EBF3: variants seen among roughly 807,000 people sequenced by gnomAD.
EBF3 encodes transcription factor COE3.
A neutral mutation model predicts 77.1 loss-of-function variants in EBF3; 18 were observed. The observed-to-expected ratio is 0.23, with a 90% CI of 0.16 to 0.35. EBF3 has a LOEUF of 0.35. Among genes scored for constraint, EBF3 ranks in the 10% least tolerant of loss-of-function variants. EBF3 has a pLI of 1.00. For missense variants in EBF3, 558 were observed against 860.0 expected, an observed-to-expected ratio of 0.65 and a Z score of 4.39; for synonymous variants, 350 against 343.5, an observed-to-expected ratio of 1.02 and a Z score of -0.21.
rs566000776 is a variant in EBF3 at position 129,848,041 on chromosome 10, G to C, written c.1128+351C>G. 1.9e-4 allele frequency among the ~76,000 whole-genome samples: 29 copies of C among 152,342 alleles called. No individual in the cohort carries two copies. In the South Asian group the frequency reaches 3.9e-3, roughly 21 times the overall value. ...AGATGGAAATCAGAGCAGGCCACTGGAGTGGAAAATGTTTAATTGAACTAT... is the reference window on the plus strand; with the variant it reads ...AGATGGAAATCAGAGCAGGCCACTGCAGTGGAAAATGTTTAATTGAACTAT... On this transcript the variant is annotated intron_variant, in intron 11 of 16. Coordinates refer to ENST00000440978, the MANE Select transcript of EBF3 (RefSeq NM_001375380.1). This position sits in a 1 kb window ranked among gnomAD's most constrained non-coding sequence, Gnocchi z 4.4.
intron 6 of EBF3, among the ~76,000 whole-genome samples, chr10:129,883,171 T>C (rs1235245876): frequency 1.3e-5 from 2 of 152,192 alleles, no homozygotes; most frequent in Non-Finnish European, 2.9e-5. Flanking sequence ...TCTCCAGCGC[T>C]TGAAAACGTG....
intron 6 of EBF3, among the ~76,000 whole-genome samples, chr10:129,901,879 G>A (rs1174489949): frequency 6.6e-6 from 1 of 152,234 alleles, no homozygotes; most frequent in Non-Finnish European, 1.5e-5. Flanking sequence ...CCCAACTGCA[G>A]CTTCCCAACC....
In EBF3 at chr10:129,917,651, C is replaced by CAAAAAAAAAAAAAAAAAAAA. The variant is rs71481019; in HGVS notation, c.554+39587_554+39606dup. 2.0e-3 allele frequency among the ~76,000 whole-genome samples: 48 copies of CAAAAAAAAAAAAAAAAAAAA among 23,596 alleles called. 6 individuals are homozygous for CAAAAAAAAAAAAAAAAAAAA. The highest frequency in any genetic ancestry group is 3.0e-3 in the African/African-American group (16 of 5,334). The allele number at this position is 23,596 out of a possible 152,430, so 15.5% of individuals were successfully genotyped here. A position where few individuals can be genotyped will look rare whatever the true frequency, so the allele number is the denominator to read the frequency against. ...TGGGCACCACAGCAAGACCCTGCCT[C>CAAAAAAAAAAAAAAAAAAAA]AAAAAAAAAAAAAAAAAAAAAAAAA... On this transcript the variant is annotated intron_variant, in intron 6 of 16. Transcript: ENST00000440978.
rs145828208 is a variant in EBF3, at chr10:129,958,987, C to T, written c.432G>A (p.Gln144=). ...CACGGCACATCTCCGGGTTCTTGTC[C>T]TGGCCCTCGTAGACGATGGCCTGCG... ...MTKQAIVYEG[Q]DKNPEMCRVL... The change falls in exon 5 of 17, where the codon CAG becomes CAA. Residue 144 remains glutamine, a synonymous_variant. Coordinates refer to ENST00000440978, the MANE Select transcript of EBF3 (RefSeq NM_001375380.1). 297 of 1,600,400 alleles carry T rather than the reference C, an allele frequency of 1.9e-4. 2 individuals are homozygous for T. In the African/African-American group the frequency reaches 3.7e-3, roughly 20 times the overall value.
At chr10:129,860,610 C>T (rs974978059) in intron 10 of EBF3, among the ~76,000 whole-genome samples, 4 of 152,152 alleles carry the variant, frequency 2.6e-5, no homozygotes, top group African/African-American at 9.7e-5. Flanking sequence ...CGACCAAAGC[C>T]CCCTCGGATG....
In EBF3 at chr10:129,963,248, G is replaced by A. The variant is rs541363; in HGVS notation, c.291+119C>T. 13,896 of 1,397,018 alleles carry A rather than the reference G, an allele frequency of 9.9e-3. 1,118 individuals carry two copies. The African/African-American group carries it at 0.18, about 18-fold the overall frequency. 86.5% of individuals were successfully genotyped at this position (1,397,018 alleles called of 1,614,324 possible). On this transcript the variant is annotated intron_variant, in intron 2 of 16. Transcript: ENST00000440978. This position sits in a 1 kb window ranked among gnomAD's most constrained non-coding sequence, Gnocchi z 7.1. ...CCGGGCGGCCGCACGTGGCGGCGGC[G>A]GGGTGGCCTGGCGGAGCCGAGCCCG...
rs557051840 is a variant in EBF3, at chr10:129,963,579, G to C, written c.134+56C>G. 1 of 1,233,384 alleles carries C rather than the reference G, an allele frequency of 8.1e-7. No individual in the cohort carries two copies. Among genetic ancestry groups the C allele is most frequent in the South Asian group, 2.6e-5 (1 of 37,754 alleles). 76.4% of individuals were successfully genotyped at this position (1,233,384 alleles called of 1,614,324 possible). Reference sequence around the variant, plus strand: ...AGGAGCGCGGCGCCGGCCGGCGGAGGGGGCCGGGCCGGGCCGGGGCCGGGG... The same window carrying C: ...AGGAGCGCGGCGCCGGCCGGCGGAGCGGGCCGGGCCGGGCCGGGGCCGGGG... On this transcript the variant is annotated intron_variant, in intron 1 of 16. Transcript: ENST00000440978. The surrounding 1 kb of genome is among the most constrained non-coding windows in gnomAD (Gnocchi z 7.1).
chr10:129,876,888 C>A (rs1049675012), intron 7 of EBF3, among the ~76,000 whole-genome samples: 4 of 56,580 alleles, frequency 7.1e-5, no homozygotes, highest in Admixed American at 3.1e-4. Context: ...TCCCTGAACC[C>A]CCCCCCCCCC....
At chr10:129,910,714 T>A (rs1855471047) in intron 6 of EBF3, among the ~76,000 whole-genome samples, 1 of 151,996 alleles carries the variant, frequency 6.6e-6, no homozygotes, top group Non-Finnish European at 1.5e-5. Flanking sequence ...AAATTAAAGT[T>A]ACAAAGTTGT....
chr10:129,915,461 T>C (rs1233423141), intron 6 of EBF3, among the ~76,000 whole-genome samples: 6 of 115,956 alleles, frequency 5.2e-5, no homozygotes, highest in Admixed American at 1.9e-4. Flanking sequence ...CGCGCACACA[T>C]GCACACACAC....
intron 6 of EBF3, among the ~76,000 whole-genome samples, chr10:129,945,708 A>G (rs888160026): frequency 2.6e-5 from 4 of 152,186 alleles, no homozygotes; most frequent in African/African-American, 7.2e-5. Context: ...TTCTTCACAA[A>G]AAGATAATTA....
chr10:129,873,251 C>T (rs1852528969), intron 8 of EBF3, among the ~76,000 whole-genome samples: 1 of 152,236 alleles, frequency 6.6e-6, no homozygotes, highest in African/African-American at 2.4e-5. Flanking sequence ...GAAAGTCCCG[C>T]TGTTCAATAA....
rs1223997097 is a variant in EBF3 at position 129,848,087 on chromosome 10, G to A, written c.1128+305C>T. 6.6e-6 allele frequency among the ~76,000 whole-genome samples: 1 copy of A among 152,228 alleles called. No homozygotes were observed. The highest frequency in any genetic ancestry group is 1.5e-5 in the Non-Finnish European group (1 of 68,042). On this transcript the variant is annotated intron_variant, in intron 11 of 16. Transcript: ENST00000440978. The surrounding 1 kb of genome is among the most constrained non-coding windows in gnomAD (Gnocchi z 4.4). ...ACTATTTCATTACGCGGAAGTTTAT[G>A]TCCCCCTCACAGAATCCAAAATATT... is the stretch of plus-strand genomic sequence containing the variant.
chr10:129,951,173 G>T (rs1858649297), intron 6 of EBF3, among the ~76,000 whole-genome samples: 2 of 152,182 alleles, frequency 1.3e-5, no homozygotes, highest in African/African-American at 4.8e-5. Flanking sequence ...TCACGAGAAG[G>T]CCTCTGGCCA....
Position 129,947,440 on chromosome 10 carries a change from C to CA in EBF3, c.554+9817dup. Among the ~76,000 whole-genome samples, 1 of 152,066 alleles carries CA rather than the reference C, an allele frequency of 6.6e-6. No individual in the cohort carries two copies. The highest frequency in any genetic ancestry group is 1.9e-4 in the East Asian group (1 of 5,178). ...AAATTTGTACTTTAATTTATTAAACCAAAAAAGCCAACAACTGCACTGAAT... is the reference window on the plus strand; with the variant it reads ...AAATTTGTACTTTAATTTATTAAACCAAAAAAAGCCAACAACTGCACTGAAT... On this transcript the variant is annotated intron_variant, in intron 6 of 16. Coordinates refer to ENST00000440978, the MANE Select transcript of EBF3 (RefSeq NM_001375380.1). This position sits in a 1 kb window ranked among gnomAD's most constrained non-coding sequence, Gnocchi z 4.5.
chr10:129,839,836 G>A (rs1036518340), intron 15 of EBF3, among the ~76,000 whole-genome samples: 28 of 152,212 alleles, frequency 1.8e-4, no homozygotes, highest in African/African-American at 6.8e-4. Context: ...AAGCCCAGGA[G>A]CTATGGGCAG....
intron 6 of EBF3, among the ~76,000 whole-genome samples, chr10:129,934,502 G>T (rs908786844): frequency 6.6e-6 from 1 of 152,108 alleles, no homozygotes; most frequent in African/African-American, 2.4e-5. Context: ...GCTCCCCCAG[G>T]TCCCCCTCCT....
chr10:129,859,366 C>T lies in EBF3; in HGVS notation c.1039+7775G>A, dbSNP rs142229804. ...CCTCCCATGTAGTTGGGACTACAGG[C>T]GTGCGCCACCACACCTGGCTAATTT... On this transcript the variant is annotated intron_variant, in intron 10 of 16. Transcript: ENST00000440978. 3.1e-3 allele frequency among the ~76,000 whole-genome samples: 474 copies of T among 152,230 alleles called. 7 individuals are homozygous for T. In the East Asian group the frequency reaches 0.042, roughly 13 times the overall value.
intron 6 of EBF3, among the ~76,000 whole-genome samples, chr10:129,896,894 T>A (rs1260028320): frequency 6.6e-6 from 1 of 152,026 alleles, no homozygotes. Context: ...GAGAGAAGCC[T>A]GCCCACGCCG....
Sources: allele counts gnomAD v4.1 joint callset (sites outside exome capture counted in the v4.1 genomes callset), GRCh38; gene constraint gnomAD v4.1.1; non-coding constraint Gnocchi (gnomAD v3.1); transcripts MANE v1.5; gene names NCBI Gene and HGNC (gene_info 2026-07-23, HGNC 2026-07-21).